Variants in PCDHGB7 observed in about 807,000 individuals in gnomAD.
The protein encoded by PCDHGB7 is protocadherin gamma-B7.
A neutral mutation model predicts 61.4 loss-of-function variants in PCDHGB7; 37 were observed. That is an observed-to-expected ratio of 0.60 (90% CI 0.46 to 0.79). The LOEUF (loss-of-function observed/expected upper bound fraction) is 0.79. Ranked by LOEUF, PCDHGB7 falls within the 30% of genes least tolerant of loss-of-function variation. The probability of loss-of-function intolerance (pLI) is 0.00; values close to 1 mark genes in which losing one functional copy is unlikely to be tolerated. For synonymous variants in PCDHGB7, 464 were observed against 503.5 expected, an observed-to-expected ratio of 0.92 and a Z score of 1.05; for missense variants, 1,166 against 1,202.5, an observed-to-expected ratio of 0.97 and a Z score of 0.45.
chr5:141,435,906 A>C (rs1246100275), intron 1 of PCDHGB7, among the ~76,000 whole-genome samples: 1 of 152,182 alleles, frequency 6.6e-6, no homozygotes, highest in African/African-American at 2.4e-5. Context: ...AAAGACATCC[A>C]AGGGCTCTAA....
At chr5:141,436,384 CT>C (rs768914860) in intron 1 of PCDHGB7, among the ~76,000 whole-genome samples, 1 of 152,104 alleles carries the variant, frequency 6.6e-6, no homozygotes, top group Non-Finnish European at 1.5e-5. Context: ...GCTGAATAGG[CT>C]TTATTAAATA....
At position 141,491,686 on chromosome 5, in the gene PCDHGB7, C is replaced by CG; in HGVS notation, c.2416-3118dup. 1 of 1,612,970 alleles carries CG rather than the reference C, an allele frequency of 6.2e-7. No individual in the cohort carries two copies. The highest frequency in any genetic ancestry group is 2.2e-5 in the East Asian group (1 of 44,838). ...CATCCGGTCCCGCTCTAATACGCTG[C>CG]GGGAGCGGAGCCAGGTGAGGGGCTC... On this transcript the variant is annotated intron_variant, in intron 1 of 3. Transcript: ENST00000398594. The surrounding 1 kb of genome is among the most constrained non-coding windows in gnomAD (Gnocchi z 6.9).
At position 141,485,386 on chromosome 5, in the gene PCDHGB7, C is replaced by A. The variant is rs1044608807; in HGVS notation, c.2416-9421C>A. The stretch of plus-strand genomic sequence containing the variant: ...GGCTGCAGGTCGCTGGAGAGGTGAA[C>A]CAAAGACACTTCCGTGTGGATTTGG... On this transcript the variant is annotated intron_variant, in intron 1 of 3. Coordinates refer to ENST00000398594, the MANE Select transcript of PCDHGB7 (RefSeq NM_018927.4). This position sits in a 1 kb window ranked among gnomAD's most constrained non-coding sequence, Gnocchi z 5.7. 1.2e-6 allele frequency: 2 copies of A among 1,614,104 alleles called. No homozygotes were observed. The highest frequency in any genetic ancestry group is 8.5e-7 in the Non-Finnish European group (1 of 1,180,002).
rs1290682140 is a variant in PCDHGB7 at position 141,431,692 on chromosome 5, G to A, written c.2415+11418G>A. 1 of 1,614,132 alleles carries A rather than the reference G, an allele frequency of 6.2e-7. No homozygotes were observed. The highest frequency in any genetic ancestry group is 2.2e-5 in the East Asian group (1 of 44,888). On this transcript the variant is annotated intron_variant, in intron 1 of 3. Transcript: ENST00000398594. The surrounding 1 kb of genome is among the most constrained non-coding windows in gnomAD (Gnocchi z 4.8). The stretch of plus-strand genomic sequence containing the variant: ...CAATAGGGGAGTTGGACCACGAGGA[G>A]TCAGGATTCTACCAGATGGAAGTGC...
chr5:141,448,896 G>C (rs560617459), intron 1 of PCDHGB7, among the ~76,000 whole-genome samples: 5 of 152,302 alleles, frequency 3.3e-5, no homozygotes, highest in African/African-American at 1.2e-4. Context: ...AGTGAGCCGA[G>C]ATCGTGCCAC....
chr5:141,430,837 C>T (rs1350348914), intron 1 of PCDHGB7: 4 of 1,559,956 alleles, frequency 2.6e-6, no homozygotes, highest in South Asian at 2.5e-5. Context: ...TGTGGGAGAC[C>T]GGATGCACCC....
intron 1 of PCDHGB7, among the ~76,000 whole-genome samples, chr5:141,467,809 C>T (rs1026263094): frequency 6.6e-6 from 1 of 152,056 alleles, no homozygotes. Flanking sequence ...CAGGCACATG[C>T]CACCACACCA....
rs962794399 is a variant in PCDHGB7, at chr5:141,449,958, AT to A, written c.2415+29692del. Among the ~76,000 whole-genome samples, 332 of 148,828 alleles carry A rather than the reference AT, an allele frequency of 2.2e-3. 1 individual carries two copies. The highest frequency in any genetic ancestry group is 6.8e-3 in the Admixed American group (101 of 14,904). Reference sequence around the variant, plus strand: ...GTATATTTTACTATACCTCATAGTAATTTTTTTTAGTCCAAAATATCACACA... The same window carrying A: ...GTATATTTTACTATACCTCATAGTAATTTTTTTAGTCCAAAATATCACACA... On this transcript the variant is annotated intron_variant, in intron 1 of 3. Coordinates refer to ENST00000398594, the MANE Select transcript of PCDHGB7 (RefSeq NM_018927.4).
intron 2 of PCDHGB7, among the ~76,000 whole-genome samples, chr5:141,495,250 A>G (rs557893500): frequency 6.6e-6 from 1 of 152,188 alleles, no homozygotes; most frequent in Non-Finnish European, 1.5e-5. Context: ...CCTGGGGCTC[A>G]GGCAGAAAAG....
intron 1 of PCDHGB7, among the ~76,000 whole-genome samples, chr5:141,481,184 C>A (rs2099533291): frequency 6.6e-6 from 1 of 152,146 alleles, no homozygotes; most frequent in African/African-American, 2.4e-5. Flanking sequence ...CTTTATTGGG[C>A]CAGGCCCAAT....
chr5:141,423,561 C>G (rs959698297), intron 1 of PCDHGB7: 7 of 1,613,628 alleles, frequency 4.3e-6, no homozygotes, highest in Non-Finnish European at 5.9e-6. Flanking sequence ...ACTATGGGGA[C>G]ACGCTCATCA....
chr5:141,500,187 TATTTA>T (rs1467273493), intron 2 of PCDHGB7, among the ~76,000 whole-genome samples: 2 of 110,668 alleles, frequency 1.8e-5, no homozygotes, highest in Non-Finnish European at 3.6e-5. Flanking sequence ...TTTTTATTTT[TATTTA>T]TTTATTTATT....
Position 141,512,160 on chromosome 5 carries a change from G to A in PCDHGB7, c.*987G>A, listed in dbSNP as rs1227447365. On this transcript the variant is annotated 3_prime_UTR_variant, in exon 4 of 4. Coordinates refer to ENST00000398594, the MANE Select transcript of PCDHGB7 (RefSeq NM_018927.4). ...CAGCCAGCTTTGGGCTGAGCTAACA[G>A]GACCAATGGATTAAACTGGCATTTC... 1 of 152,730 alleles carries A rather than the reference G, an allele frequency of 6.5e-6. No individual in the cohort carries two copies. Among genetic ancestry groups the A allele is most frequent in the African/African-American group, 2.4e-5 (1 of 41,456 alleles). The allele number at this position is 152,730 out of a possible 1,614,324, so 9.5% of individuals were successfully genotyped here.
intron 1 of PCDHGB7, chr5:141,422,162 A>T: frequency 6.4e-7 from 1 of 1,571,230 alleles, no homozygotes; most frequent in Non-Finnish European, 8.6e-7. Context: ...GATTTTGAAA[A>T]ATATAGATTC....
Position 141,496,029 on chromosome 5 carries a change from C to T in PCDHGB7, c.2474+1164C>T, listed in dbSNP as rs548231443. ...TTGTCTTTTTTCTCTGAGCCTCTGTCTCTGTCTCTCATTTTTTTGTGCTTG... is the reference window on the plus strand; with the variant it reads ...TTGTCTTTTTTCTCTGAGCCTCTGTTTCTGTCTCTCATTTTTTTGTGCTTG... On this transcript the variant is annotated intron_variant, in intron 2 of 3. Coordinates refer to ENST00000398594, the MANE Select transcript of PCDHGB7 (RefSeq NM_018927.4). Among the ~76,000 whole-genome samples, 3 of 152,088 alleles carry T rather than the reference C, an allele frequency of 2.0e-5. No individual in the cohort carries two copies. In the East Asian group the frequency reaches 5.8e-4, roughly 29 times the overall value.
Position 141,505,463 on chromosome 5 carries a change from A to G in PCDHGB7, c.2545A>G (p.Ile849Val). 1 of 1,614,184 alleles carries G rather than the reference A, an allele frequency of 6.2e-7. No homozygotes were observed. Among genetic ancestry groups the G allele is most frequent in the East Asian group, 2.2e-5 (1 of 44,876 alleles). Residue 849 changes from isoleucine to valine, a missense_variant, in exon 3 of 4, where the codon ATC (isoleucine) becomes GTC (valine). Ile to Val is a conservative substitution (Grantham distance 29). Transcript: ENST00000398594. Reference protein sequence around the residue: ...QFDTEMLQAMILASASEAADG... With the variant: ...QFDTEMLQAMVLASASEAADG... ...TGACACAGAGATGCTGCAAGCCATG[A>G]TCTTGGCGTCCGCCAGTGGTAAGTG...
In PCDHGB7 at chr5:141,490,823, A is replaced by T. The variant is rs1340589166; in HGVS notation, c.2416-3984A>T. ...CGTACCTTTGACTATGAATTGCTGC[A>T]GATGCTGCAGATTGTGGTGGGGGTT... On this transcript the variant is annotated intron_variant, in intron 1 of 3. Transcript: ENST00000398594. This position sits in a 1 kb window ranked among gnomAD's most constrained non-coding sequence, Gnocchi z 5.4. 13 of 1,613,928 alleles carry T rather than the reference A, an allele frequency of 8.1e-6. No individual in the cohort carries two copies. Among genetic ancestry groups the T allele is most frequent in the Non-Finnish European group, 9.3e-6 (11 of 1,179,864 alleles).
chr5:141,490,396 A>G lies in PCDHGB7; in HGVS notation c.2416-4411A>G. ...GGACTCAGGTAGAAATGGTGAAGTGAGCCTTGATATCTCTCCGGACCTGCC... is the reference window on the plus strand; with the variant it reads ...GGACTCAGGTAGAAATGGTGAAGTGGGCCTTGATATCTCTCCGGACCTGCC... On this transcript the variant is annotated intron_variant, in intron 1 of 3. Coordinates refer to ENST00000398594, the MANE Select transcript of PCDHGB7 (RefSeq NM_018927.4). The surrounding 1 kb of genome is among the most constrained non-coding windows in gnomAD (Gnocchi z 5.4). 1 of 1,614,146 alleles carries G rather than the reference A, an allele frequency of 6.2e-7. No homozygotes were observed. The highest frequency in any genetic ancestry group is 8.5e-7 in the Non-Finnish European group (1 of 1,180,030).
intron 1 of PCDHGB7, among the ~76,000 whole-genome samples, chr5:141,455,913 T>C (rs2098837234): frequency 7.2e-6 from 1 of 138,032 alleles, no homozygotes; most frequent in African/African-American, 2.7e-5. Context: ...ATTTATTTAT[T>C]TTGAGACGGA....
Sources: allele counts gnomAD v4.1 joint callset (sites outside exome capture counted in the v4.1 genomes callset), GRCh38; gene constraint gnomAD v4.1.1; non-coding constraint Gnocchi (gnomAD v3.1); transcripts MANE v1.5; gene names NCBI Gene and HGNC (gene_info 2026-07-23, HGNC 2026-07-21).